MAP2K1: variants seen among roughly 807,000 people sequenced by gnomAD.
The protein encoded by MAP2K1 is dual specificity mitogen-activated protein kinase kinase 1.
MAP2K1 carries 16 observed loss-of-function variants against 46.3 expected under a neutral mutation model. The ratio of observed to expected loss-of-function variants is 0.35; its 90% CI spans 0.23 to 0.52. The LOEUF is 0.52. MAP2K1 is among the 20% of genes least tolerant of loss of function. The pLI is 0.94. For synonymous variants in MAP2K1, 183 were observed against 185.6 expected (o/e 0.99, Z 0.11); for missense variants, 263 against 497.1 (o/e 0.53, Z 4.48).
At chr15:66,464,201 C>T (rs1892403248) in intron 5 of MAP2K1, among the ~76,000 whole-genome samples, 1 of 152,098 alleles carries the variant, frequency 6.6e-6, no homozygotes, top group African/African-American at 2.4e-5. Flanking sequence ...ACAGTTTATT[C>T]CTAGACAGGT....
At chr15:66,443,611 C>T (rs893268981) in intron 4 of MAP2K1, among the ~76,000 whole-genome samples, 3 of 152,104 alleles carry the variant, frequency 2.0e-5, no homozygotes, top group Admixed American at 6.5e-5. Context: ...TGGCTCGCAC[C>T]TGTAATCCCA....
chr15:66,457,774 C>T (rs1230549501), intron 5 of MAP2K1, among the ~76,000 whole-genome samples: 1 of 151,820 alleles, frequency 6.6e-6, no homozygotes, highest in Admixed American at 6.6e-5. Flanking sequence ...CCAGCCTGGC[C>T]AATGTGGTGA....
At chr15:66,485,767 A>C (rs1244997923) in intron 7 of MAP2K1, among the ~76,000 whole-genome samples, 2 of 151,994 alleles carry the variant, frequency 1.3e-5, no homozygotes, top group Admixed American at 1.3e-4. Context: ...TTTTGTAGAG[A>C]TATAGTCTCC....
chr15:66,456,454 A>T (rs1423987638), intron 5 of MAP2K1, among the ~76,000 whole-genome samples: 1 of 152,180 alleles, frequency 6.6e-6, no homozygotes, highest in Non-Finnish European at 1.5e-5. Flanking sequence ...GAAGGCAGGG[A>T]TGAATATGAG....
chr15:66,421,156 A>G (rs530643114), intron 1 of MAP2K1, among the ~76,000 whole-genome samples: 1 of 150,340 alleles, frequency 6.7e-6, no homozygotes, highest in South Asian at 2.1e-4. Context: ...TTTTTTCTGA[A>G]ACAGGGTCTC....
chr15:66,428,297 T>C (rs1274873160), intron 1 of MAP2K1, among the ~76,000 whole-genome samples: 1 of 148,062 alleles, frequency 6.8e-6, no homozygotes, highest in Non-Finnish European at 1.5e-5. Flanking sequence ...TGTGTGTGTG[T>C]GTGTGTGTGT....
At chr15:66,476,809 C>T (rs1025190535) in intron 5 of MAP2K1, among the ~76,000 whole-genome samples, 1 of 152,114 alleles carries the variant, frequency 6.6e-6, no homozygotes, top group Non-Finnish European at 1.5e-5. Flanking sequence ...GTGTGAAGGG[C>T]CTGGCTATTG....
In MAP2K1 at chr15:66,443,127, G is replaced by A. The variant is rs571033331; in HGVS notation, c.439-153G>A. On this transcript the variant is annotated intron_variant, in intron 3 of 10. Coordinates refer to ENST00000307102, the MANE Select transcript of MAP2K1 (RefSeq NM_002755.4). The stretch of plus-strand genomic sequence containing the variant: ...TTTTGAGACAGAGTCTCGCTGTGTC[G>A]CCCAGGCTGAGTGCAGTGGTGTGAT... Among the ~76,000 whole-genome samples, 13 of 123,828 alleles carry A rather than the reference G, an allele frequency of 1.0e-4. No homozygotes were observed. In the South Asian group the frequency reaches 2.2e-3, roughly 21 times the overall value. The allele number at this position is 123,828 out of a possible 152,430, so 81.2% of individuals were successfully genotyped here.
intron 5 of MAP2K1, among the ~76,000 whole-genome samples, chr15:66,476,265 A>C (rs930426804): frequency 1.3e-5 from 2 of 152,318 alleles, no homozygotes; most frequent in Admixed American, 1.3e-4. Context: ...CCCTCTCAGC[A>C]TCACCTTTCA....
chr15:66,484,510 G>A (rs570780578), intron 6 of MAP2K1, among the ~76,000 whole-genome samples: 5 of 152,226 alleles, frequency 3.3e-5, no homozygotes, highest in African/African-American at 1.2e-4. Context: ...TGTAAGTCCC[G>A]GAATTGGGAT....
At chr15:66,443,232 G>C (rs1171819259) in intron 3 of MAP2K1, 48 bp from the exon 4 acceptor site, 3 of 1,228,348 alleles carry the variant, frequency 2.4e-6, no homozygotes, top group Non-Finnish European at 3.6e-6. Context: ...TCACTTGAAA[G>C]AATAGTTAGA....
At chr15:66,411,774 A>G (rs1384058559) in intron 1 of MAP2K1, among the ~76,000 whole-genome samples, 5 of 152,236 alleles carry the variant, frequency 3.3e-5, no homozygotes, top group South Asian at 2.1e-4. Flanking sequence ...AGATATATAT[A>G]TGTATATTAG....
Position 66,469,251 on chromosome 15 carries a change from G to A in MAP2K1, c.569-12504G>A, listed in dbSNP as rs928169676. Among the ~76,000 whole-genome samples the A allele has an allele frequency of 6.6e-5, 10 of 152,142 alleles. No individual in the cohort carries two copies. In the South Asian group the frequency reaches 8.3e-4, roughly 13 times the overall value. Reference sequence around the variant, plus strand: ...AGCCTGGGCGACAGAGCAAGACTCCGTCTCAAAATAAAAGTTTTTTAAACA... The same window carrying A: ...AGCCTGGGCGACAGAGCAAGACTCCATCTCAAAATAAAAGTTTTTTAAACA... On this transcript the variant is annotated intron_variant, in intron 5 of 10. Transcript: ENST00000307102.
At chr15:66,469,723 C>CACACACACACACACACACAT (rs143830560) in intron 5 of MAP2K1, among the ~76,000 whole-genome samples, 1,641 of 134,478 alleles carry the variant, frequency 0.012, 66 homozygotes, top group South Asian at 0.019. Context: ...CACACACACA[C>CACACACACACACACACACAT]ATATCGGATG....
chr15:66,470,094 GTTTTTTTTTTTT>G (rs55637393), intron 5 of MAP2K1, among the ~76,000 whole-genome samples: 2 of 76,606 alleles, frequency 2.6e-5, no homozygotes, highest in African/African-American at 9.5e-5. Flanking sequence ...TTTTTTTCTT[GTTTTTTTTTTTT>G]TTTTTTTTTT....
intron 5 of MAP2K1, among the ~76,000 whole-genome samples, chr15:66,461,681 G>A (rs1892325893): frequency 6.6e-6 from 1 of 152,152 alleles, no homozygotes; most frequent in African/African-American, 2.4e-5. Context: ...ACCACCCTGT[G>A]AAGTGCGTGC....
At chr15:66,478,364 C>G (rs1315750956) in intron 5 of MAP2K1, among the ~76,000 whole-genome samples, 11 of 133,390 alleles carry the variant, frequency 8.2e-5, no homozygotes, top group African/African-American at 2.7e-4. Context: ...TATATACACA[C>G]ATATATGTTA....
chr15:66,460,916 T>C (rs1892302078), intron 5 of MAP2K1, among the ~76,000 whole-genome samples: 1 of 151,910 alleles, frequency 6.6e-6, no homozygotes, highest in South Asian at 2.1e-4. Context: ...GGGGTGGTTG[T>C]GGTGGGAAGG....
At chr15:66,454,411 A>G (rs1209712899) in intron 5 of MAP2K1, among the ~76,000 whole-genome samples, 1 of 152,216 alleles carries the variant, frequency 6.6e-6, no homozygotes, top group Non-Finnish European at 1.5e-5. Flanking sequence ...AGAAAACAGA[A>G]CCTACCTAAA....
Sources: gnomAD v4.1 joint callset for allele counts (sites outside exome capture counted in the v4.1 genomes callset) on GRCh38, gnomAD v4.1.1 for gene constraint, MANE v1.5 for transcripts, NCBI Gene and HGNC (gene_info 2026-07-23, HGNC 2026-07-21) for gene names.